The following CHID1 variants were observed in gnomAD, a reference collection of about 807,000 sequenced individuals.
CHID1 encodes chitinase domain containing 1.
A neutral mutation model predicts 55.4 loss-of-function variants in CHID1; 44 were observed. That is an observed-to-expected ratio of 0.79 (90% CI 0.62 to 1.02). The LOEUF is 1.02. CHID1 is among the 50% of genes least tolerant of loss of function. The pLI, the probability that CHID1 is intolerant of heterozygous loss-of-function variation, is 0.00. For missense variants in CHID1, 491 were observed against 515.3 expected (o/e 0.95, Z 0.46); for synonymous variants, 216 against 212.9 (o/e 1.01, Z -0.13).
chr11:871,966 C>T (rs747069450), intron 10 of CHID1, among the ~76,000 whole-genome samples: 1 of 152,188 alleles, frequency 6.6e-6, no homozygotes, highest in Admixed American at 6.5e-5. Flanking sequence ...GCACATGTCA[C>T]TTCAGAGCTG....
At chr11:894,999 G>C (rs1006583880) in intron 7 of CHID1, among the ~76,000 whole-genome samples, 1 of 152,156 alleles carries the variant, frequency 6.6e-6, no homozygotes, top group South Asian at 2.1e-4. Context: ...AGTGTCTTTG[G>C]GCAGCCCGTC....
At chr11:881,726 G>A (rs1407555443) in intron 10 of CHID1, among the ~76,000 whole-genome samples, 1 of 152,070 alleles carries the variant, frequency 6.6e-6, no homozygotes, top group Admixed American at 6.6e-5. Context: ...GACCAGGCCA[G>A]GCACGGGGCT....
At chr11:881,758 T>C (rs562843181) in intron 10 of CHID1, among the ~76,000 whole-genome samples, 2 of 152,020 alleles carry the variant, frequency 1.3e-5, no homozygotes, top group South Asian at 4.1e-4. Context: ...TCCCAGCACT[T>C]TGGGAGGCTG....
chr11:869,861 G>C lies in CHID1; in HGVS notation c.1179C>G (p.Leu393=), dbSNP rs2134094421. The C allele has an allele frequency of 6.2e-7, 1 of 1,612,880 alleles. No homozygotes were observed. The highest frequency in any genetic ancestry group is 1.1e-5 in the South Asian group (1 of 91,082). ...GQGLDYFYDL[L] is the part of the protein sequence containing the mutation. ...CCGCGGAGGCCGCAATGCCCACCTAGAGCAGGTCGTAGAAGTAGTCCAGGC... is the reference window on the plus strand; with the variant it reads ...CCGCGGAGGCCGCAATGCCCACCTACAGCAGGTCGTAGAAGTAGTCCAGGC... Residue 393 remains leucine, a synonymous_variant, in exon 13 of 13, where the codon CTC becomes CTG. Coordinates refer to ENST00000323578, the MANE Select transcript of CHID1 (RefSeq NM_023947.4).
chr11:884,020 G>A (rs1850202979), intron 9 of CHID1, 48 bp downstream of exon 9: 3 of 1,414,976 alleles, frequency 2.1e-6, no homozygotes, highest in Admixed American at 1.7e-5. Context: ...ACTCACTGCT[G>A]CACTGTGGAG....
At chr11:886,765 A>G (rs1280601240) in intron 8 of CHID1, among the ~76,000 whole-genome samples, 1 of 152,172 alleles carries the variant, frequency 6.6e-6, no homozygotes, top group Non-Finnish European at 1.5e-5. Flanking sequence ...CCCCTCCCAC[A>G]CAGAGCCCCC....
intron 1 of CHID1, 45 bp from the exon 2 acceptor site, chr11:904,904 C>A (rs1372827140): frequency 8.1e-6 from 13 of 1,598,292 alleles, no homozygotes; most frequent in African/African-American, 2.7e-5. Context: ...CAGAGAAATG[C>A]AGCACATGGG....
rs1190032141 is a variant in CHID1, at chr11:884,063, C to A, written c.803+5G>T. ...TGCCCAGGAGCCCCCCAAGCCCACA[C>A]TCACTGATGCGCTGTAGAGTAGTCG... On this transcript the variant is annotated splice_donor_5th_base_variant and intron_variant, in intron 9 of 12. Transcript: ENST00000323578. The A allele has an allele frequency of 5.0e-6, 8 of 1,612,416 alleles. No individual in the cohort carries two copies. In the East Asian group the frequency reaches 1.6e-4, roughly 31 times the overall value.
Position 870,446 on chromosome 11 carries a change from G to T in CHID1, c.1013C>A (p.Ala338Asp). 1.2e-6 allele frequency: 2 copies of T among 1,610,468 alleles called. No individual in the cohort carries two copies. Among genetic ancestry groups the T allele is most frequent in the Non-Finnish European group, 1.7e-6 (2 of 1,178,090 alleles). Residue 338 changes from alanine to aspartate, a missense_variant, in exon 11 of 13, where the codon GCC becomes GAC. Transcript: ENST00000323578. ...CTTGTACTCGAAGAAGTGCTCTGAG[G>T]CCTGGCTGTCCCACACCATCCGGGG... Reference protein sequence around the residue: ...HRPRMVWDSQASEHFFEYKKS... With the variant: ...HRPRMVWDSQDSEHFFEYKKS...
intron 7 of CHID1, among the ~76,000 whole-genome samples, chr11:898,006 C>T (rs1851505352): frequency 4.6e-5 from 7 of 152,166 alleles, no homozygotes; most frequent in Admixed American, 4.6e-4. Flanking sequence ...ACTGCTGCCT[C>T]CCAGCCAGTG....
At chr11:882,851 C>T (rs779860696) in intron 10 of CHID1, 6 of 333,244 alleles carry the variant, frequency 1.8e-5, no homozygotes, top group South Asian at 6.3e-5. Context: ...GGCCCCGGCC[C>T]GGCCTGTATG....
chr11:897,525 C>T (rs778637929), intron 7 of CHID1, among the ~76,000 whole-genome samples: 35 of 152,190 alleles, frequency 2.3e-4, no homozygotes, highest in Non-Finnish European at 4.6e-4. Flanking sequence ...TCAGCAAGAA[C>T]CCCCCAAGGC....
chr11:898,364 G>A (rs562959766), intron 7 of CHID1, among the ~76,000 whole-genome samples: 26 of 152,318 alleles, frequency 1.7e-4, no homozygotes, highest in African/African-American at 4.8e-4. Context: ...GGGGGCGGGG[G>A]AGCCGATTCC....
rs1304160411 is a variant in CHID1 at position 892,981 on chromosome 11, G to A, written c.701+446C>T. On this transcript the variant is annotated intron_variant, in intron 8 of 12. Coordinates refer to ENST00000323578, the MANE Select transcript of CHID1 (RefSeq NM_023947.4). Reference sequence around the variant, plus strand: ...GGGGGTGCACCCAACCGCACACAGCGAGTGGCCCGCAGTCACCTCTCTGCC... The same window carrying A: ...GGGGGTGCACCCAACCGCACACAGCAAGTGGCCCGCAGTCACCTCTCTGCC... Among the ~76,000 whole-genome samples, 5 of 152,344 alleles carry A rather than the reference G, an allele frequency of 3.3e-5. No homozygotes were observed. The South Asian group carries it at 6.2e-4, about 19-fold the overall frequency.
chr11:905,600 G>A (rs1269606173), intron 1 of CHID1, among the ~76,000 whole-genome samples: 2 of 151,920 alleles, frequency 1.3e-5, no homozygotes, highest in African/African-American at 2.4e-5. Context: ...AACCCAGGAG[G>A]CAGAGGTTGC....
At chr11:885,479 C>T (rs1000892032) in intron 8 of CHID1, among the ~76,000 whole-genome samples, 1 of 152,156 alleles carries the variant, frequency 6.6e-6, no homozygotes, top group Non-Finnish European at 1.5e-5. Flanking sequence ...CCCTCAGCCC[C>T]GACCTCTTTT....
At chr11:908,045 C>T (rs1447458499) in intron 1 of CHID1, among the ~76,000 whole-genome samples, 1 of 152,168 alleles carries the variant, frequency 6.6e-6, no homozygotes, top group African/African-American at 2.4e-5. Context: ...GTGGCTACCC[C>T]CAGGCAGGGA....
chr11:886,690 C>G lies in CHID1; in HGVS notation c.702-2521G>C, dbSNP rs114148928. ...GGTGCCGACTGCACCAGGAAGAGGC[C>G]TTGCCGGAAGGTGGGCTTCGGGCTT... On this transcript the variant is annotated intron_variant, in intron 8 of 12. Coordinates refer to ENST00000323578, the MANE Select transcript of CHID1 (RefSeq NM_023947.4). 9.9e-3 allele frequency among the ~76,000 whole-genome samples: 1,505 copies of G among 152,306 alleles called. 31 individuals carry two copies. The highest frequency in any genetic ancestry group is 0.035 in the African/African-American group (1,436 of 41,554).
chr11:874,660 G>A (rs898364882), intron 10 of CHID1: 4 of 152,146 alleles, frequency 2.6e-5, no homozygotes, highest in African/African-American at 9.7e-5. Flanking sequence ...CTTGCTCTGT[G>A]ACCCAAGCTG....
Sources: gnomAD v4.1 joint callset for allele counts (sites outside exome capture counted in the v4.1 genomes callset) on GRCh38, gnomAD v4.1.1 for gene constraint, MANE v1.5 for transcripts, NCBI Gene and HGNC (gene_info 2026-07-23, HGNC 2026-07-21) for gene names.